Variants in CNTN5 observed in about 807,000 individuals in gnomAD.
The protein encoded by CNTN5 is contactin 5.
A neutral mutation model predicts 129.1 loss-of-function variants in CNTN5; 77 were observed. The observed-to-expected ratio is 0.60, with a 90% CI of 0.50 to 0.72. The LOEUF (loss-of-function observed/expected upper bound fraction) is 0.72, where lower values mean the gene tolerates loss of function less well. Among genes scored for constraint, CNTN5 ranks in the 30% least tolerant of loss-of-function variants. The pLI is 0.00. For missense variants in CNTN5, 1,478 were observed against 1,328.8 expected, an observed-to-expected ratio of 1.11 and a Z score of -1.75; for synonymous variants, 509 against 465.6, an observed-to-expected ratio of 1.09 and a Z score of -1.20.
intron 1 of CNTN5, among the ~76,000 whole-genome samples, chr11:99,172,676 A>G (rs11218634): frequency 0.16 from 24,762 of 152,192 alleles, 2,168 homozygotes; most frequent in East Asian, 0.35. Context: ...ACAACAATGA[A>G]TCTATAGTTA....
chr11:99,628,428 A>G (rs1166065007), intron 3 of CNTN5, among the ~76,000 whole-genome samples: 1 of 152,046 alleles, frequency 6.6e-6, no homozygotes, highest in Non-Finnish European at 1.5e-5. Context: ...AGCATCTGTT[A>G]TTCCTGAGAT....
intron 17 of CNTN5, among the ~76,000 whole-genome samples, chr11:100,265,309 A>G (rs1375345352): frequency 2.0e-5 from 3 of 152,144 alleles, no homozygotes; most frequent in Non-Finnish European, 4.4e-5. Flanking sequence ...TGCTGTCCTC[A>G]GGGAAAGCCT....
At chr11:99,856,888 C>G (rs960371458) in intron 6 of CNTN5, among the ~76,000 whole-genome samples, 1 of 152,096 alleles carries the variant, frequency 6.6e-6, no homozygotes, top group African/African-American at 2.4e-5. Context: ...GTATTTCATG[C>G]TCATTTATGA....
chr11:99,429,599 C>T (rs1393571877), intron 2 of CNTN5, among the ~76,000 whole-genome samples: 7 of 151,468 alleles, frequency 4.6e-5, no homozygotes, highest in Admixed American at 1.3e-4. Flanking sequence ...AGAAATCTAC[C>T]GTACCATAGG....
At chr11:100,006,306 A>G (rs1439106444) in intron 9 of CNTN5, among the ~76,000 whole-genome samples, 1 of 152,148 alleles carries the variant, frequency 6.6e-6, no homozygotes, top group Non-Finnish European at 1.5e-5. Context: ...TTATTAAAAG[A>G]AGACAACAAT....
At chr11:100,017,838 GA>G (rs11342784) in intron 9 of CNTN5, among the ~76,000 whole-genome samples, 47,416 of 151,792 alleles carry the variant, frequency 0.31, 7,593 homozygotes, top group East Asian at 0.47. Context: ...TAGTCCAGGA[GA>G]ATCCCTCTGC....
At chr11:99,915,244 G>C (rs867343053) in intron 6 of CNTN5, among the ~76,000 whole-genome samples, 1 of 151,974 alleles carries the variant, frequency 6.6e-6, no homozygotes, top group Non-Finnish European at 1.5e-5. Flanking sequence ...GGAAAGGAGC[G>C]TAAGTACTGA....
At chr11:99,591,618 G>T (rs112200728) in intron 3 of CNTN5, among the ~76,000 whole-genome samples, 1 of 152,078 alleles carries the variant, frequency 6.6e-6, no homozygotes, top group East Asian at 1.9e-4. Flanking sequence ...AATTACAGGC[G>T]TGAGCCACCA....
intron 21 of CNTN5, among the ~76,000 whole-genome samples, chr11:100,318,926 C>T (rs1305812978): frequency 6.6e-6 from 1 of 152,148 alleles, no homozygotes; most frequent in Non-Finnish European, 1.5e-5. Context: ...TTCCAAAGGG[C>T]AAGGCTTTTT....
intron 13 of CNTN5, among the ~76,000 whole-genome samples, chr11:100,075,874 A>G (rs1591188369): frequency 6.6e-6 from 1 of 152,148 alleles, no homozygotes; most frequent in Admixed American, 6.6e-5. Flanking sequence ...AAGATCAAAA[A>G]TATCCTGCTT....
chr11:99,956,754 T>C (rs1170618078), intron 7 of CNTN5, 52 bp from the exon 8 acceptor site: 21 of 1,361,110 alleles, frequency 1.5e-5, no homozygotes, highest in Non-Finnish European at 2.1e-5. Context: ...GAGCTTTGTC[T>C]GTTAATGAAA....
At chr11:100,139,403 A>AG (rs1268689306) in intron 13 of CNTN5, among the ~76,000 whole-genome samples, 4 of 152,202 alleles carry the variant, frequency 2.6e-5, no homozygotes, top group African/African-American at 9.6e-5. Flanking sequence ...AAGTATTTCA[A>AG]GGAGAAGAAA....
intron 3 of CNTN5, among the ~76,000 whole-genome samples, chr11:99,617,481 C>T (rs1194806734): frequency 6.6e-6 from 1 of 152,116 alleles, no homozygotes; most frequent in Non-Finnish European, 1.5e-5. Flanking sequence ...TTCCATAAAG[C>T]TTGGCTATAT....
At chr11:100,342,174 C>T (rs1472152735) in intron 23 of CNTN5, among the ~76,000 whole-genome samples, 1 of 151,756 alleles carries the variant, frequency 6.6e-6, no homozygotes, top group Non-Finnish European at 1.5e-5. Flanking sequence ...CACACACACA[C>T]ACACACACAA....
chr11:99,294,041 A>C (rs1346194399), intron 1 of CNTN5, among the ~76,000 whole-genome samples: 1 of 151,578 alleles, frequency 6.6e-6, no homozygotes, highest in Non-Finnish European at 1.5e-5. Flanking sequence ...TACTGTAAGC[A>C]TTTACTGCTA....
intron 2 of CNTN5, among the ~76,000 whole-genome samples, chr11:99,335,400 AT>A (rs1235672926): frequency 6.6e-6 from 1 of 152,026 alleles, no homozygotes; most frequent in Non-Finnish European, 1.5e-5. Flanking sequence ...AATTCTAGAC[AT>A]TTTTTATAAT....
At chr11:99,094,955 T>C (rs1275771577) in intron 1 of CNTN5, among the ~76,000 whole-genome samples, 1 of 151,852 alleles carries the variant, frequency 6.6e-6, no homozygotes, top group Non-Finnish European at 1.5e-5. Flanking sequence ...CCCACAACCA[T>C]GCATATTATT....
intron 2 of CNTN5, among the ~76,000 whole-genome samples, chr11:99,341,311 T>A (rs1036250168): frequency 6.6e-6 from 1 of 152,170 alleles, no homozygotes; most frequent in African/African-American, 2.4e-5. Context: ...AAATGAAATA[T>A]TTGGAATTTG....
intron 1 of CNTN5, among the ~76,000 whole-genome samples, chr11:99,287,670 T>C (rs887067511): frequency 1.3e-5 from 2 of 152,044 alleles, no homozygotes; most frequent in African/African-American, 2.4e-5. Flanking sequence ...AGTGAATAGA[T>C]AATATTGTCG....
Sources: gnomAD v4.1 joint callset for allele counts (sites outside exome capture counted in the v4.1 genomes callset) on GRCh38, gnomAD v4.1.1 for gene constraint, MANE v1.5 for transcripts, NCBI Gene and HGNC (gene_info 2026-07-23, HGNC 2026-07-21) for gene names.